The following XKR4 variants were observed in gnomAD, a reference collection of about 807,000 sequenced individuals.
XKR4 encodes XK-related protein 4.
XKR4 carries 12 observed loss-of-function variants against 53.9 expected under a neutral mutation model. That is an observed-to-expected ratio of 0.22 (90% CI 0.14 to 0.36). The LOEUF (loss-of-function observed/expected upper bound fraction) is 0.36, where lower values mean the gene tolerates loss of function less well. XKR4 is among the 10% of genes least tolerant of loss of function. The pLI is 1.00. For missense variants in XKR4, 799 were observed against 859.5 expected, an observed-to-expected ratio of 0.93 and a Z score of 0.88; for synonymous variants, 354 against 362.4, an observed-to-expected ratio of 0.98 and a Z score of 0.26.
intron 2 of XKR4, chr8:55,453,540 G>T: frequency 5.3e-6 from 2 of 378,760 alleles, no homozygotes; most frequent in South Asian, 2.1e-5. Context: ...CCATCCAGTA[G>T]GGCAGTCATG....
rs1252907911 is a variant in XKR4 at position 55,462,443 on chromosome 8, C to G, written c.1007-60838C>G. Among the ~76,000 whole-genome samples the G allele has an allele frequency of 1.4e-4, 21 of 152,264 alleles. No individual in the cohort carries two copies. In the East Asian group the frequency reaches 4.0e-3, roughly 29 times the overall value. ...AAATGCTGAGAGATTTTGTCACCAC[C>G]AGGCCTGCCCTAAAAGAGCTCCTGA... On this transcript the variant is annotated intron_variant, in intron 2 of 2. Transcript: ENST00000327381.
intron 1 of XKR4, among the ~76,000 whole-genome samples, chr8:55,149,601 G>T (rs1049108956): frequency 1.3e-5 from 2 of 152,192 alleles, no homozygotes; most frequent in Non-Finnish European, 2.9e-5. Flanking sequence ...CAGGGTGATC[G>T]TTCTCAGAAT....
At chr8:55,439,211 G>A (rs1274260135) in intron 2 of XKR4, among the ~76,000 whole-genome samples, 3 of 152,180 alleles carry the variant, frequency 2.0e-5, no homozygotes, top group Non-Finnish European at 2.9e-5. Context: ...TGTACCATGG[G>A]TTGATTTTTA....
chr8:55,453,934 C>T, intron 2 of XKR4: 10 of 660,428 alleles, frequency 1.5e-5, no homozygotes, highest in South Asian at 1.4e-4. Context: ...GCACATTCAT[C>T]AGGAAATCGT....
At chr8:55,336,616 C>G (rs1454753899) in intron 1 of XKR4, among the ~76,000 whole-genome samples, 2 of 151,722 alleles carry the variant, frequency 1.3e-5, no homozygotes, top group South Asian at 4.2e-4. Flanking sequence ...TCTATGTAAG[C>G]CTAAAACTAC....
intron 1 of XKR4, among the ~76,000 whole-genome samples, chr8:55,348,681 C>T (rs1458214807): frequency 6.9e-6 from 1 of 144,756 alleles, no homozygotes; most frequent in Non-Finnish European, 1.5e-5. Flanking sequence ...GAGAGAGAGA[C>T]AGACAAACAT....
chr8:55,321,704 T>A (rs545553804), intron 1 of XKR4, among the ~76,000 whole-genome samples: 6 of 152,230 alleles, frequency 3.9e-5, no homozygotes, highest in South Asian at 4.1e-4. Context: ...TAAAAACATA[T>A]CTTGGGCCGG....
At chr8:55,204,844 A>C (rs1449005656) in intron 1 of XKR4, among the ~76,000 whole-genome samples, 1 of 152,254 alleles carries the variant, frequency 6.6e-6, no homozygotes, top group Admixed American at 6.5e-5. Context: ...AAAATGGAAG[A>C]GAATAAGAAT....
intron 2 of XKR4, among the ~76,000 whole-genome samples, chr8:55,367,561 C>G (rs1804010022): frequency 6.6e-6 from 1 of 152,164 alleles, no homozygotes; most frequent in Non-Finnish European, 1.5e-5. Flanking sequence ...AAAGAGTTTT[C>G]CAAAGTGCTG....
chr8:55,169,462 ACT>A (rs1196130692), intron 1 of XKR4, among the ~76,000 whole-genome samples: 1 of 152,110 alleles, frequency 6.6e-6, no homozygotes, highest in Non-Finnish European at 1.5e-5. Context: ...AAGGGTATCG[ACT>A]CAATGTTTTC....
intron 1 of XKR4, among the ~76,000 whole-genome samples, chr8:55,329,678 T>C (rs1298645907): frequency 6.6e-6 from 1 of 152,228 alleles, no homozygotes; most frequent in African/African-American, 2.4e-5. Flanking sequence ...CCCTTGTTCC[T>C]TCTCTAAAAT....
At chr8:55,286,477 G>T (rs1227606568) in intron 1 of XKR4, among the ~76,000 whole-genome samples, 1 of 152,108 alleles carries the variant, frequency 6.6e-6, no homozygotes, top group Non-Finnish European at 1.5e-5. Context: ...TGGGTGGGAG[G>T]GCTCAATGTC....
chr8:55,294,891 C>T (rs1234382593), intron 1 of XKR4, among the ~76,000 whole-genome samples: 5 of 152,078 alleles, frequency 3.3e-5, no homozygotes, highest in African/African-American at 9.7e-5. Flanking sequence ...GAAATTCATG[C>T]AAAACCTGTT....
chr8:55,521,859 C>T (rs1262244595), intron 2 of XKR4, among the ~76,000 whole-genome samples: 1 of 152,196 alleles, frequency 6.6e-6, no homozygotes, highest in African/African-American at 2.4e-5. Flanking sequence ...AGTACCATTT[C>T]CATTATAAGA....
chr8:55,432,158 G>A (rs1339069749), intron 2 of XKR4, among the ~76,000 whole-genome samples: 3 of 152,156 alleles, frequency 2.0e-5, no homozygotes, highest in South Asian at 4.1e-4. Context: ...TGTGTGTGCT[G>A]GGTGGCTGGG....
At chr8:55,156,170 A>G (rs1374243831) in intron 1 of XKR4, among the ~76,000 whole-genome samples, 1 of 152,034 alleles carries the variant, frequency 6.6e-6, no homozygotes, top group Middle Eastern at 3.2e-3. Context: ...CCGCAGGGAA[A>G]ACAAGGCTTA....
intron 2 of XKR4, among the ~76,000 whole-genome samples, chr8:55,398,505 GGA>G (rs1804555488): frequency 1.3e-5 from 2 of 151,246 alleles, no homozygotes; most frequent in East Asian, 3.9e-4. Context: ...TAAAAAATAA[GGA>G]GAGAGCATCC....
At position 55,341,321 on chromosome 8, in the gene XKR4, A is replaced by G. The variant is rs529153410; in HGVS notation, c.807-16357A>G. Among the ~76,000 whole-genome samples the G allele has an allele frequency of 2.6e-5, 4 of 152,228 alleles. No individual in the cohort carries two copies. The East Asian group carries it at 5.8e-4, about 22-fold the overall frequency. The stretch of plus-strand genomic sequence containing the variant: ...TACCTGGCAGGTGGGCAGCAGGGGT[A>G]TTGATGCTCCCATTCCCACTTTTCA... On this transcript the variant is annotated intron_variant, in intron 1 of 2. Coordinates refer to ENST00000327381, the MANE Select transcript of XKR4 (RefSeq NM_052898.2).
chr8:55,233,400 A>T (rs1194307913), intron 1 of XKR4, among the ~76,000 whole-genome samples: 55 of 127,594 alleles, frequency 4.3e-4, no homozygotes, highest in African/African-American at 1.2e-3. Flanking sequence ...TTTTTTTTTT[A>T]AACCAGGTCA....
Sources: gnomAD v4.1 joint callset for allele counts (sites outside exome capture counted in the v4.1 genomes callset) on GRCh38, gnomAD v4.1.1 for gene constraint, MANE v1.5 for transcripts, NCBI Gene and HGNC (gene_info 2026-07-23, HGNC 2026-07-21) for gene names.